DLGAP1: variants seen among roughly 807,000 people sequenced by gnomAD.
DLGAP1 encodes the protein disks large-associated protein 1.
Under a neutral mutation model 90.8 loss-of-function variants are expected in DLGAP1, and 11 were observed. The ratio of observed to expected loss-of-function variants is 0.12; its 90% confidence interval spans 0.08 to 0.20. The LOEUF is 0.20. DLGAP1 is among the 10% of genes least tolerant of loss of function. The pLI, the probability that DLGAP1 is intolerant of heterozygous loss-of-function variation, is 1.00. For synonymous variants in DLGAP1, 558 were observed against 540.7 expected (o/e 1.03, Z -0.44); for missense variants, 1,050 against 1,333.8 (o/e 0.79, Z 3.31).
At chr18:3,768,966 T>G (rs1437104415) in intron 5 of DLGAP1, among the ~76,000 whole-genome samples, 2 of 152,050 alleles carry the variant, frequency 1.3e-5, no homozygotes, top group African/African-American at 4.8e-5. Context: ...AAATACCTGA[T>G]TAAGAAGATG....
intron 2 of DLGAP1, among the ~76,000 whole-genome samples, chr18:4,144,787 TA>T (rs1465960475): frequency 3.3e-5 from 5 of 152,192 alleles, no homozygotes; most frequent in African/African-American, 1.2e-4. Flanking sequence ...GTAAAAATTT[TA>T]GGTGAAAATG....
At chr18:4,441,481 C>G (rs2615866) in intron 1 of DLGAP1, among the ~76,000 whole-genome samples, 40,238 of 152,102 alleles carry the variant, frequency 0.26, 5,963 homozygotes, top group Non-Finnish European at 0.32. Context: ...GAAGTAGGCA[C>G]TAGTAAAAAT....
rs1292172247 is a variant in DLGAP1, at chr18:3,729,781, G to A, written c.1351-406C>T. On this transcript the variant is annotated intron_variant, in intron 6 of 12. Coordinates refer to ENST00000315677, the MANE Select transcript of DLGAP1 (RefSeq NM_004746.4). This position sits in a 1 kb window ranked among gnomAD's most constrained non-coding sequence, Gnocchi z 6.2. The stretch of plus-strand genomic sequence containing the variant: ...AAATGTGGGGCTTATTCCAACGCAT[G>A]ACATTCTTATTTATAAAGGCAAACT... 1.3e-5 allele frequency among the ~76,000 whole-genome samples: 2 copies of A among 152,106 alleles called. No individual in the cohort carries two copies. The highest frequency in any genetic ancestry group is 6.5e-5 in the Admixed American group (1 of 15,272).
intron 1 of DLGAP1, among the ~76,000 whole-genome samples, chr18:4,385,409 G>A (rs193049189): frequency 6.6e-6 from 1 of 152,148 alleles, no homozygotes; most frequent in East Asian, 1.9e-4. Context: ...GGGTCAAAAC[G>A]GCATTAGATT....
chr18:4,222,255 T>G (rs1028228510), intron 1 of DLGAP1, among the ~76,000 whole-genome samples: 1 of 152,196 alleles, frequency 6.6e-6, no homozygotes, highest in Non-Finnish European at 1.5e-5. Flanking sequence ...TGATATTCAA[T>G]ATGCCCCAAA....
chr18:4,339,397 C>T (rs2081141261), intron 1 of DLGAP1, among the ~76,000 whole-genome samples: 1 of 152,150 alleles, frequency 6.6e-6, no homozygotes, highest in Admixed American at 6.5e-5. Context: ...AGGTAAGGTG[C>T]TGTTCTGTGC....
At chr18:3,981,331 C>T (rs1401761063) in intron 3 of DLGAP1, among the ~76,000 whole-genome samples, 1 of 152,204 alleles carries the variant, frequency 6.6e-6, no homozygotes, top group Non-Finnish European at 1.5e-5. Context: ...ATTTGTGTGC[C>T]CACACGTGAA....
At chr18:3,824,081 G>T (rs1356914309) in intron 4 of DLGAP1, among the ~76,000 whole-genome samples, 1 of 151,718 alleles carries the variant, frequency 6.6e-6, no homozygotes, top group Admixed American at 6.6e-5. Context: ...TCATTTTCTG[G>T]TGTATTGGAG....
rs564451904 is a variant in DLGAP1 at position 3,765,344 on chromosome 18, A to G, written c.1173-22832T>C. Among the ~76,000 whole-genome samples, 311 of 149,804 alleles carry G rather than the reference A, an allele frequency of 2.1e-3. 1 individual carries two copies. Among genetic ancestry groups the G allele is most frequent in the African/African-American group, 6.8e-3 (277 of 40,928 alleles). ...ATGGGGTTTCACCATGTTAGCCAGG[A>G]TGGTCTCGATCTCCTGACCTCATGA... is the stretch of plus-strand genomic sequence containing the variant. On this transcript the variant is annotated intron_variant, in intron 5 of 12. Coordinates refer to ENST00000315677, the MANE Select transcript of DLGAP1 (RefSeq NM_004746.4).
chr18:4,282,461 AAC>A lies in DLGAP1; in HGVS notation c.-266-131176_-266-131175del, dbSNP rs59127126. Reference sequence around the variant, plus strand: ...TGGTACAGATAAGGTGCTGGATAATAACACATATTATAATACATAAGTCCCTT... The same window carrying A: ...TGGTACAGATAAGGTGCTGGATAATAACATATTATAATACATAAGTCCCTT... On this transcript the variant is annotated intron_variant, in intron 1 of 12. Coordinates refer to ENST00000315677, the MANE Select transcript of DLGAP1 (RefSeq NM_004746.4). Among the ~76,000 whole-genome samples, 421 of 152,322 alleles carry A rather than the reference AAC, an allele frequency of 2.8e-3. 1 individual carries two copies. The highest frequency in any genetic ancestry group is 9.8e-3 in the African/African-American group (406 of 41,558).
At chr18:3,856,229 A>G (rs2069634765) in intron 4 of DLGAP1, among the ~76,000 whole-genome samples, 1 of 152,356 alleles carries the variant, frequency 6.6e-6, no homozygotes, top group Middle Eastern at 3.4e-3. Context: ...CAAAGAAAAG[A>G]AAAAGAAATG....
chr18:3,761,514 G>A (rs2063960859), intron 5 of DLGAP1, among the ~76,000 whole-genome samples: 1 of 151,694 alleles, frequency 6.6e-6, no homozygotes, highest in Non-Finnish European at 1.5e-5. Flanking sequence ...CCACCTTTTG[G>A]TTATTGTGAA....
intron 1 of DLGAP1, among the ~76,000 whole-genome samples, chr18:4,156,116 G>A (rs2076751632): frequency 6.6e-6 from 1 of 152,182 alleles, no homozygotes; most frequent in Non-Finnish European, 1.5e-5. Flanking sequence ...TGACCTCGAC[G>A]TCGCTGGAGA....
chr18:3,943,122 TCTGGTTATTTAGTTCC>T (rs915309269), intron 3 of DLGAP1, among the ~76,000 whole-genome samples: 1 of 152,218 alleles, frequency 6.6e-6, no homozygotes, highest in Non-Finnish European at 1.5e-5. Context: ...ACATGTCTTT[TCTGGTTATTTAGTTCC>T]CTGGCATCAA....
At chr18:4,177,985 ACATC>A (rs2077140113) in intron 1 of DLGAP1, among the ~76,000 whole-genome samples, 1 of 152,048 alleles carries the variant, frequency 6.6e-6, no homozygotes, top group Non-Finnish European at 1.5e-5. Flanking sequence ...TTCCAGACAT[ACATC>A]CCTACCACTT....
At chr18:4,321,936 G>A (rs749572977) in intron 1 of DLGAP1, among the ~76,000 whole-genome samples, 1 of 147,486 alleles carries the variant, frequency 6.8e-6, no homozygotes, top group Admixed American at 6.9e-5. Flanking sequence ...GGTGGTTCAC[G>A]CCTGTAAACT....
intron 1 of DLGAP1, among the ~76,000 whole-genome samples, chr18:4,362,226 C>T (rs989519251): frequency 2.0e-5 from 3 of 152,078 alleles, no homozygotes; most frequent in Non-Finnish European, 4.4e-5. Context: ...GCAAGTCAAC[C>T]TCTGGGCATA....
At position 3,639,816 on chromosome 18, in the gene DLGAP1, G is replaced by T. The variant is rs895477131; in HGVS notation, c.1592-57568C>A. ...GTCGCCCAGGCTGGAGTGCAGTGGC[G>T]CGATCTCGGCTCACTGCAAGCTCCG... On this transcript the variant is annotated intron_variant, in intron 7 of 12. Transcript: ENST00000315677. Among the ~76,000 whole-genome samples, 12 of 136,340 alleles carry T rather than the reference G, an allele frequency of 8.8e-5. 1 individual carries two copies. The highest frequency in any genetic ancestry group is 1.8e-4 in the Non-Finnish European group (12 of 64,898). 89.4% of individuals were successfully genotyped at this position (136,340 alleles called of 152,430 possible).
intron 7 of DLGAP1, among the ~76,000 whole-genome samples, chr18:3,606,283 G>A (rs3898358): frequency 0.27 from 40,694 of 151,964 alleles, 6,748 homozygotes; most frequent in Middle Eastern, 0.47. Flanking sequence ...ACTGGGCCCC[G>A]CTTCTTAGAA....
Sources: allele counts gnomAD v4.1 joint callset (sites outside exome capture counted in the v4.1 genomes callset), GRCh38; gene constraint gnomAD v4.1.1; non-coding constraint Gnocchi (gnomAD v3.1); transcripts MANE v1.5; gene names NCBI Gene and HGNC (gene_info 2026-07-23, HGNC 2026-07-21).